The following PDE10A variants were observed in gnomAD, a reference collection of about 807,000 sequenced individuals.
PDE10A encodes cAMP and cAMP-inhibited cGMP 3',5'-cyclic phosphodiesterase 10A.
PDE10A carries 39 observed loss-of-function variants against 97.7 expected under a neutral mutation model. The ratio of observed to expected loss-of-function variants is 0.40; its 90% CI spans 0.31 to 0.52. The LOEUF (loss-of-function observed/expected upper bound fraction) is 0.52, where lower values mean the gene tolerates loss of function less well. PDE10A is among the 20% of genes least tolerant of loss of function. The pLI is 0.56. For missense variants in PDE10A, 731 were observed against 1,047.8 expected, an observed-to-expected ratio of 0.70 and a Z score of 4.17; for synonymous variants, 371 against 376.8, an observed-to-expected ratio of 0.98 and a Z score of 0.18.
chr6:165,464,221 T>C (rs1778503946), intron 3 of PDE10A, among the ~76,000 whole-genome samples: 1 of 152,136 alleles, frequency 6.6e-6, no homozygotes, highest in Non-Finnish European at 1.5e-5. Flanking sequence ...CACATAGGTA[T>C]GTGTAAGCTG....
At chr6:165,786,672 G>A (rs150415358) in intron 1 of PDE10A, among the ~76,000 whole-genome samples, 8 of 152,166 alleles carry the variant, frequency 5.3e-5, no homozygotes, top group African/African-American at 1.7e-4. Flanking sequence ...TGATTTCCAC[G>A]ATGTCCTATG....
chr6:165,532,350 CT>C (rs1044293484), intron 2 of PDE10A, among the ~76,000 whole-genome samples: 2 of 151,136 alleles, frequency 1.3e-5, no homozygotes, highest in African/African-American at 2.4e-5. Context: ...GTGCGTAACG[CT>C]TGCTAAGCAT....
chr6:165,742,286 G>A (rs1007553920), intron 1 of PDE10A, among the ~76,000 whole-genome samples: 10 of 152,074 alleles, frequency 6.6e-5, no homozygotes, highest in East Asian at 3.9e-4. Context: ...CAGCCCTAAC[G>A]CAATAGTTAA....
At chr6:165,421,945 C>G (rs534922931) in intron 10 of PDE10A, among the ~76,000 whole-genome samples, 2 of 152,216 alleles carry the variant, frequency 1.3e-5, no homozygotes, top group South Asian at 4.1e-4. Context: ...GTCTGTTGTC[C>G]CAGCTACTTT....
chr6:165,690,782 CATGTGTTAACTTGACTGAGCCACGGG>C (rs1328835090), intron 1 of PDE10A, among the ~76,000 whole-genome samples: 1 of 152,234 alleles, frequency 6.6e-6, no homozygotes, highest in Non-Finnish European at 1.5e-5. Context: ...AGGTTAATTT[CATGTGTTAACTTGACTGAGCCACGGG>C]ATGCCCAGAT....
At chr6:165,478,523 TAA>T (rs1340330324) in intron 3 of PDE10A, among the ~76,000 whole-genome samples, 2 of 152,306 alleles carry the variant, frequency 1.3e-5, no homozygotes, top group East Asian at 1.9e-4. Flanking sequence ...TTTGTAGCTA[TAA>T]GACATCAAAC....
intron 1 of PDE10A, among the ~76,000 whole-genome samples, chr6:165,962,915 A>G (rs927221088): frequency 2.0e-5 from 3 of 152,292 alleles, no homozygotes; most frequent in African/African-American, 7.2e-5. Context: ...GGTGCCATAC[A>G]TTGAACCTAG....
chr6:165,724,490 C>T (rs142974521), intron 1 of PDE10A, among the ~76,000 whole-genome samples: 8 of 152,336 alleles, frequency 5.3e-5, no homozygotes, highest in South Asian at 2.1e-4. Context: ...GAATCAGGCT[C>T]GCCCCCATGG....
intron 21 of PDE10A, among the ~76,000 whole-genome samples, chr6:165,335,418 T>C (rs888548871): frequency 6.6e-6 from 1 of 152,102 alleles, no homozygotes; most frequent in African/African-American, 2.4e-5. Context: ...AAAATAACAA[T>C]AATAATAAAA....
At chr6:165,901,079 G>A (rs1304302510) in intron 1 of PDE10A, among the ~76,000 whole-genome samples, 2 of 152,282 alleles carry the variant, frequency 1.3e-5, no homozygotes, top group East Asian at 1.9e-4. Context: ...CGGCCTCCAC[G>A]TGGACTCATC....
intron 1 of PDE10A, among the ~76,000 whole-genome samples, chr6:165,852,419 G>GA (rs749369962): frequency 3.5e-4 from 54 of 152,204 alleles, no homozygotes; most frequent in Middle Eastern, 3.2e-3. Context: ...AAAAATCTGT[G>GA]ATGCCTTCAT....
chr6:165,470,757 T>C (rs1265880360), intron 3 of PDE10A, among the ~76,000 whole-genome samples: 3 of 152,038 alleles, frequency 2.0e-5, no homozygotes, highest in African/African-American at 7.3e-5. Flanking sequence ...AGGGAGGACC[T>C]GGGAGGCTGA....
intron 1 of PDE10A, among the ~76,000 whole-genome samples, chr6:165,733,105 A>G (rs1276158415): frequency 6.6e-6 from 1 of 152,146 alleles, no homozygotes; most frequent in Non-Finnish European, 1.5e-5. Flanking sequence ...TACCCAATGC[A>G]TTTCCAGTCG....
intron 2 of PDE10A, among the ~76,000 whole-genome samples, chr6:165,483,918 CAT>C (rs1473012735): frequency 2.6e-5 from 4 of 152,168 alleles, no homozygotes; most frequent in Admixed American, 6.5e-5. Flanking sequence ...TAGCCTGTGA[CAT>C]GTGTTTATAA....
chr6:165,749,240 TCACATCACCATCATCACC>T (rs1792919106), intron 1 of PDE10A, among the ~76,000 whole-genome samples: 1 of 78,786 alleles, frequency 1.3e-5, no homozygotes, highest in Non-Finnish European at 3.2e-5. Context: ...ATCACCACCA[TCACATCACCATCATCACC>T]ATTACCACCA....
At chr6:165,720,058 G>A (rs932117961) in intron 1 of PDE10A, among the ~76,000 whole-genome samples, 39 of 152,262 alleles carry the variant, frequency 2.6e-4, no homozygotes, top group African/African-American at 3.9e-4. Flanking sequence ...AATAGACAAC[G>A]TCTAAAGAAA....
At chr6:165,419,723 G>A (rs938677059) in intron 10 of PDE10A, among the ~76,000 whole-genome samples, 1 of 152,074 alleles carries the variant, frequency 6.6e-6, no homozygotes, top group Non-Finnish European at 1.5e-5. Context: ...TACCTCTATT[G>A]AGAATTCTGG....
intron 1 of PDE10A, among the ~76,000 whole-genome samples, chr6:165,808,507 G>A (rs1475083667): frequency 6.6e-6 from 1 of 152,216 alleles, no homozygotes; most frequent in Non-Finnish European, 1.5e-5. Context: ...AGCCCCAGCT[G>A]TCTTCTCTGG....
intron 2 of PDE10A, among the ~76,000 whole-genome samples, chr6:165,494,331 A>C (rs1164948796): frequency 6.6e-6 from 1 of 151,956 alleles, no homozygotes; most frequent in Non-Finnish European, 1.5e-5. Context: ...TTTACCCAGA[A>C]GAAAAGAGGT....
Sources: allele counts gnomAD v4.1 joint callset (sites outside exome capture counted in the v4.1 genomes callset), GRCh38; gene constraint gnomAD v4.1.1; transcripts MANE v1.5; gene names NCBI Gene and HGNC (gene_info 2026-07-23, HGNC 2026-07-21).